Variants in CPB2 observed in about 807,000 individuals in gnomAD.
CPB2 encodes the protein carboxypeptidase B-like protein.
In CPB2, 54 loss-of-function variants were observed where a neutral mutation model predicts 57.0. That is an observed-to-expected ratio of 0.95 (90% CI 0.76 to 1.19). CPB2 has a LOEUF of 1.19. CPB2 is among the 50% of genes most tolerant of loss of function. CPB2 has a pLI of 0.00. For synonymous variants in CPB2, 189 were observed against 178.1 expected, an observed-to-expected ratio of 1.06 and a Z score of -0.49; for missense variants, 426 against 512.0, an observed-to-expected ratio of 0.83 and a Z score of 1.62.
chr13:46,080,129 A>G (rs1471295532), intron 4 of CPB2, among the ~76,000 whole-genome samples: 2 of 152,354 alleles, frequency 1.3e-5, no homozygotes, highest in East Asian at 3.9e-4. Context: ...TCATTTCTCA[A>G]ACTAAGCTGG....
chr13:46,071,251 T>C lies in CPB2; in HGVS notation c.591+2622A>G, dbSNP rs17844230. On this transcript the variant is annotated intron_variant, in intron 6 of 10. Coordinates refer to ENST00000181383, the MANE Select transcript of CPB2 (RefSeq NM_001872.5). ...AAGGGACTGATAAATTAAAATGATATAGATCTGTGTAGGAACTAGAAATAT... is the reference window on the plus strand; with the variant it reads ...AAGGGACTGATAAATTAAAATGATACAGATCTGTGTAGGAACTAGAAATAT... Among the ~76,000 whole-genome samples, 1,121 of 152,134 alleles carry C rather than the reference T, an allele frequency of 7.4e-3. 10 individuals carry two copies. The highest frequency in any genetic ancestry group is 0.026 in the African/African-American group (1,069 of 41,500).
chr13:46,060,737 G>A lies in CPB2; in HGVS notation c.797-2356C>T, dbSNP rs151262783. Among the ~76,000 whole-genome samples the A allele has an allele frequency of 1.3e-3, 194 of 152,206 alleles. 1 individual carries two copies. Among genetic ancestry groups the A allele is most frequent in the Non-Finnish European group, 2.4e-3 (164 of 68,028 alleles). On this transcript the variant is annotated intron_variant, in intron 8 of 10. Transcript: ENST00000181383. ...AGTGAGCCTCAGATTCTCATTCTAT[G>A]ATTGTCATTCTAGAGATTTCAAGCA...
At chr13:46,055,943 C>A in intron 9 of CPB2, 94 bp from the exon 10 acceptor site, 4 of 653,410 alleles carry the variant, frequency 6.1e-6, no homozygotes, top group Admixed American at 2.8e-5. Context: ...TTAATTGAAT[C>A]AAAGTATACA....
In CPB2 at chr13:46,084,310, T is replaced by C; in HGVS notation, c.184A>G (p.Ile62Val). Residue 62 changes from isoleucine (I) to valine (V), a missense_variant, in exon 3 of 11, where the codon ATT (isoleucine) becomes GTT (valine). Transcript: ENST00000181383. The part of the protein sequence containing the change: ...VLWQPVTADL[I>V]VKKKQVHFFV... ...AAATGGACTTGTTTTTTCTTCACAATAAGGTCAGCTGTTACCGGCTGCCAG... is the reference window on the plus strand; with the variant it reads ...AAATGGACTTGTTTTTTCTTCACAACAAGGTCAGCTGTTACCGGCTGCCAG... The C allele has an allele frequency of 6.2e-7, 1 of 1,614,110 alleles. No homozygotes were observed. Among genetic ancestry groups the C allele is most frequent in the Admixed American group, 1.7e-5 (1 of 60,024 alleles).
intron 1 of CPB2, chr13:46,099,050 T>C (rs2045401939): frequency 6.6e-6 from 1 of 152,178 alleles, no homozygotes; most frequent in Non-Finnish European, 1.5e-5. Context: ...TTGACTTAGG[T>C]AGTCAGAGAA....
chr13:46,083,450 A>C (rs918403113), intron 3 of CPB2, among the ~76,000 whole-genome samples: 14 of 152,166 alleles, frequency 9.2e-5, no homozygotes, highest in Admixed American at 8.5e-4. Flanking sequence ...ATTACTAATA[A>C]TTAACATAGC....
intron 5 of CPB2, among the ~76,000 whole-genome samples, chr13:46,075,776 C>A (rs1405561381): frequency 6.6e-6 from 1 of 152,100 alleles, no homozygotes; most frequent in Admixed American, 6.5e-5. Flanking sequence ...ATTAAATGTA[C>A]ATTTTTAGTG....
In CPB2 at chr13:46,067,346, T is replaced by A. The variant is rs7337140; in HGVS notation, c.663A>T (p.Pro221=). ...AGTCATAACCATCCACATTAACCAC[T>A]GGCATAACATAGAAATCCACAAGCC... ...LLRLVDFYVM[P]VVNVDGYDYS... Residue 221 remains proline, a synonymous_variant, in exon 7 of 11, where the codon CCA becomes CCT. Transcript: ENST00000181383. 2 of 1,590,952 alleles carry A rather than the reference T, an allele frequency of 1.3e-6. No individual in the cohort carries two copies. Among genetic ancestry groups the A allele is most frequent in the East Asian group, 2.2e-5 (1 of 44,650 alleles).
intron 1 of CPB2, among the ~76,000 whole-genome samples, chr13:46,091,824 C>A (rs539703020): frequency 6.6e-6 from 1 of 152,258 alleles, no homozygotes; most frequent in South Asian, 2.1e-4. Flanking sequence ...GAAAGAATTT[C>A]TTAGCAAATG....
At chr13:46,068,285 C>A (rs1593890804) in intron 6 of CPB2, among the ~76,000 whole-genome samples, 1 of 152,138 alleles carries the variant, frequency 6.6e-6, no homozygotes, top group African/African-American at 2.4e-5. Flanking sequence ...ATGTCTTTTT[C>A]ATTATTGACA....
At chr13:46,075,817 AT>A (rs893950199) in intron 5 of CPB2, among the ~76,000 whole-genome samples, 3 of 151,546 alleles carry the variant, frequency 2.0e-5, no homozygotes, top group South Asian at 4.2e-4. Context: ...TTTAAAAAAA[AT>A]TTTTTTTAAG....
intron 9 of CPB2, among the ~76,000 whole-genome samples, chr13:46,056,858 G>T (rs2044704289): frequency 6.6e-6 from 1 of 152,106 alleles, no homozygotes; most frequent in South Asian, 2.1e-4. Context: ...ATTCCTCAAG[G>T]ACAGTAACTA....
Position 46,055,781 on chromosome 13 carries a change from G to A in CPB2, c.1068C>T (p.Gly356=), listed in dbSNP as rs766954397. The A allele has an allele frequency of 1.1e-5, 17 of 1,593,748 alleles. No homozygotes were observed. The highest frequency in any genetic ancestry group is 1.7e-5 in the Admixed American group (1 of 58,806). The change falls in exon 10 of 11, where the codon GGC becomes GGT. Residue 356 remains glycine, a synonymous_variant. Coordinates refer to ENST00000181383, the MANE Select transcript of CPB2 (RefSeq NM_001872.5). ...KISKNTRYTH[G]HGSETLYLAP... ...ACTTACATAAGGTTTCTGAGCCATG[G>A]CCATGTGTATACCTGGTATTTTTAC...
chr13:46,084,187 T>A, intron 3 of CPB2, 32 bp downstream of exon 3: 1 of 1,610,788 alleles, frequency 6.2e-7, no homozygotes, highest in Non-Finnish European at 8.5e-7. Context: ...GTGTTTATAA[T>A]AACTACTCAA....
chr13:46,101,190 C>G (rs1365804632), intron 1 of CPB2: 1 of 152,144 alleles, frequency 6.6e-6, no homozygotes, highest in Non-Finnish European at 1.5e-5. Context: ...CAACTGCTCA[C>G]CTGTAACTAC....
rs958843262 is a variant in CPB2 at position 46,101,988 on chromosome 13, G to A, written c.74+2948C>T. Among the ~76,000 whole-genome samples, 4 of 152,318 alleles carry A rather than the reference G, an allele frequency of 2.6e-5. No individual in the cohort carries two copies. The Middle Eastern group carries it at 0.01, about 389-fold the overall frequency. On this transcript the variant is annotated intron_variant, in intron 1 of 10. Coordinates refer to ENST00000181383, the MANE Select transcript of CPB2 (RefSeq NM_001872.5). ...CTCTGAACAATGGAACATAGCCCAAGGCTGCAATTTTGTTGCACACATTAC... is the reference window on the plus strand; with the variant it reads ...CTCTGAACAATGGAACATAGCCCAAAGCTGCAATTTTGTTGCACACATTAC...
intron 1 of CPB2, chr13:46,094,965 C>T (rs747930058): frequency 5.3e-5 from 8 of 152,174 alleles, no homozygotes; most frequent in Non-Finnish European, 1.0e-4. Flanking sequence ...ATGACTCCTT[C>T]AGTCCTTTCC....
At position 46,073,962 on chromosome 13, in the gene CPB2, G is replaced by T; in HGVS notation, c.502C>A (p.Gln168Lys). ...LYVLKVSGKE[Q>K]AAKNAIWIDC... ...ATCCATATGGCATTTTTGGCTGCTT[G>T]TTCTTTTCCAGAAACCTGCTCAAAG... The change falls in exon 6 of 11, where the codon CAA (glutamine) becomes AAA (lysine). Residue 168 changes from glutamine (Q) to lysine (K), a missense_variant. Transcript: ENST00000181383. 6.3e-7 allele frequency: 1 copy of T among 1,581,156 alleles called. No individual in the cohort carries two copies. Among genetic ancestry groups the T allele is most frequent in the Middle Eastern group, 1.7e-4 (1 of 5,938 alleles).
At chr13:46,082,086 G>A (rs536497619) in intron 4 of CPB2, among the ~76,000 whole-genome samples, 1 of 152,288 alleles carries the variant, frequency 6.6e-6, no homozygotes, top group African/African-American at 2.4e-5. Context: ...AGTAAAATTA[G>A]GGTAATGGTC....
Sources: allele counts gnomAD v4.1 joint callset (sites outside exome capture counted in the v4.1 genomes callset), GRCh38; gene constraint gnomAD v4.1.1; transcripts MANE v1.5; gene names NCBI Gene and HGNC (gene_info 2026-07-23, HGNC 2026-07-21).